The following EPS8L2 variants were observed in gnomAD, a reference collection of about 807,000 sequenced individuals.
EPS8L2 encodes the protein EPS8 signaling adaptor L2.
A neutral mutation model predicts 99.4 loss-of-function variants in EPS8L2; 81 were observed. That is an observed-to-expected ratio of 0.82 (90% confidence interval 0.68 to 0.98). EPS8L2 has a LOEUF of 0.98. Among genes scored for constraint, EPS8L2 ranks in the 50% least tolerant of loss-of-function variants. The pLI, the probability that EPS8L2 is intolerant of heterozygous loss-of-function variation, is 0.00. For missense variants in EPS8L2, 1,155 were observed against 968.8 expected, an observed-to-expected ratio of 1.19 and a Z score of -2.55; for synonymous variants, 509 against 407.3, an observed-to-expected ratio of 1.25 and a Z score of -3.01.
In EPS8L2 at chr11:720,710, G is replaced by T; in HGVS notation, c.441G>T (p.Lys147Asn). The T allele has an allele frequency of 6.3e-7, 1 of 1,594,288 alleles. No homozygotes were observed. The highest frequency in any genetic ancestry group is 1.3e-5 in the African/African-American group (1 of 74,902). The change falls in exon 6 of 21, where the codon AAG becomes AAT. Residue 147 changes from lysine (K) to asparagine (N), a missense_variant. By Grantham distance (94) the Lys-to-Asn change is moderately conservative. Transcript: ENST00000318562. ...TGTGCCAGGACTCGGAGCAGAGCAA[G>T]CCGGATGTCCACTTCTTCCACTGCG... Reference protein sequence around the residue: ...LLVCQDSEQSKPDVHFFHCDE... With the variant: ...LLVCQDSEQSNPDVHFFHCDE...
chr11:710,069 G>A (rs771778707), intron 3 of EPS8L2: 9 of 368,574 alleles, frequency 2.4e-5, no homozygotes, highest in Non-Finnish European at 4.0e-5. Context: ...AGGGCAGGGA[G>A]AGTGAAGCTG....
chr11:719,091 G>A (rs1354616031), intron 4 of EPS8L2, among the ~76,000 whole-genome samples: 5 of 150,152 alleles, frequency 3.3e-5, no homozygotes, highest in Non-Finnish European at 7.4e-5. Context: ...TCAGCCTCCC[G>A]AGTAGCTGGG....
intron 4 of EPS8L2, among the ~76,000 whole-genome samples, chr11:711,743 G>A (rs1861894851): frequency 6.6e-6 from 1 of 152,090 alleles, no homozygotes; most frequent in African/African-American, 2.4e-5. Context: ...CAGCACTTTG[G>A]GAGGCTGAGG....
chr11:723,827 G>C (rs944457562), intron 15 of EPS8L2, among the ~76,000 whole-genome samples: 1 of 145,274 alleles, frequency 6.9e-6, no homozygotes, highest in African/African-American at 2.5e-5. Context: ...GGGGAGTCCC[G>C]TCTTTCCTTG....
chr11:724,282 A>T lies in EPS8L2; in HGVS notation c.1455-442A>T, dbSNP rs1021754943. On this transcript the variant is annotated intron_variant, in intron 15 of 20. Transcript: ENST00000318562. This position sits in a 1 kb window ranked among gnomAD's most constrained non-coding sequence, Gnocchi z 5.5. The stretch of plus-strand genomic sequence containing the variant: ...CCCACCCCACAGAGAGGAGCTTGAG[A>T]CCCGTCCTCCACTGGACCATTTGGG... 2.6e-5 allele frequency among the ~76,000 whole-genome samples: 4 copies of T among 151,918 alleles called. No homozygotes were observed. The highest frequency in any genetic ancestry group is 6.6e-5 in the Admixed American group (1 of 15,260).
chr11:721,323 G>A lies in EPS8L2; in HGVS notation c.739G>A (p.Val247Met), dbSNP rs375649174. 1.4e-5 allele frequency: 22 copies of A among 1,539,822 alleles called. No homozygotes were observed. Among genetic ancestry groups the A allele is most frequent in the Non-Finnish European group, 1.7e-5 (20 of 1,146,674 alleles). The change falls in exon 9 of 21, where the codon GTG becomes ATG. Residue 247 changes from valine (V) to methionine (M), a missense_variant. Val to Met is a conservative substitution (Grantham distance 21). Coordinates refer to ENST00000318562, the MANE Select transcript of EPS8L2 (RefSeq NM_022772.4). Reference sequence around the variant, plus strand: ...GGAGTCGCAGGAGGAGCCGCGGGCCGTGCTGGCTCAGAAGATAGAGAAGGA... The same window carrying A: ...GGAGTCGCAGGAGGAGCCGCGGGCCATGCTGGCTCAGAAGATAGAGAAGGA... ...RRESQEEPRA[V>M]LAQKIEKETQ...
intron 4 of EPS8L2, among the ~76,000 whole-genome samples, chr11:713,007 C>A (rs1346200228): frequency 1.3e-5 from 2 of 151,888 alleles, no homozygotes; most frequent in African/African-American, 4.8e-5. Context: ...CTGGCCTGGC[C>A]CCCAGCCAGC....
At chr11:721,753 A>G (rs772789126) in intron 10 of EPS8L2, 62 bp downstream of exon 10, 6 of 1,554,128 alleles carry the variant, frequency 3.9e-6, no homozygotes, top group African/African-American at 2.7e-5. Flanking sequence ...TGCAGGGGAC[A>G]GGGACGGGGA....
At chr11:720,537 A>G in intron 5 of EPS8L2, 60 bp from the exon 6 acceptor site, 1 of 1,557,430 alleles carries the variant, frequency 6.4e-7, no homozygotes, top group Middle Eastern at 1.8e-4. Flanking sequence ...AGCTCCGGCC[A>G]CTCCCTGCCA....
rs1861709442 is a variant in EPS8L2, at chr11:706,299, CG to C, written c.-79+13del. The stretch of plus-strand genomic sequence containing the variant: ...GGGCGCCGGAGGCAGGTGAGCGCTG[CG>C]GACACGGGGGAGCGCGCCCGCCCGG... On this transcript the variant is annotated intron_variant, in intron 1 of 20. Coordinates refer to ENST00000318562, the MANE Select transcript of EPS8L2 (RefSeq NM_022772.4). 1 of 151,604 alleles carries C rather than the reference CG, an allele frequency of 6.6e-6. No individual in the cohort carries two copies. The highest frequency in any genetic ancestry group is 2.4e-5 in the African/African-American group (1 of 41,268). The allele number at this position is 151,604 out of a possible 1,614,324, so 9.4% of individuals were successfully genotyped here.
Position 720,861 on chromosome 11 carries a change from C to G in EPS8L2, c.509C>G (p.Ala170Gly). Residue 170 changes from alanine (A) to glycine (G), a missense_variant, in exon 7 of 21, where the codon GCG becomes GGG. Ala to Gly is a moderately conservative substitution (Grantham distance 60). Transcript: ENST00000318562. Reference protein sequence around the residue: ...AELVHEDIESALADCRLGKKM... With the variant: ...AELVHEDIESGLADCRLGKKM... ...CTGGTGCACGAGGACATCGAGAGCGCGTTGGCCGACTGCCGGCTGGGCAAG... is the reference window on the plus strand; with the variant it reads ...CTGGTGCACGAGGACATCGAGAGCGGGTTGGCCGACTGCCGGCTGGGCAAG... The G allele has an allele frequency of 6.7e-7, 1 of 1,495,948 alleles. No homozygotes were observed. The highest frequency in any genetic ancestry group is 8.9e-7 in the Non-Finnish European group (1 of 1,118,172). The allele number at this position is 1,495,948 out of a possible 1,614,324, so 92.7% of individuals were successfully genotyped here.
At chr11:712,464 GCGAGC>G in intron 4 of EPS8L2, among the ~76,000 whole-genome samples, 2 of 147,492 alleles carry the variant, frequency 1.4e-5, no homozygotes, top group South Asian at 2.2e-4. Context: ...AAGCCTGGGT[GCGAGC>G]TGGGCTCCCG....
At position 726,147 on chromosome 11, in the gene EPS8L2, C is replaced by T. The variant is rs779325145; in HGVS notation, c.1730C>T (p.Pro577Leu). 1 of 1,609,080 alleles carries T rather than the reference C, an allele frequency of 6.2e-7. No homozygotes were observed. The highest frequency in any genetic ancestry group is 1.1e-5 in the South Asian group (1 of 90,830). The change falls in exon 18 of 21, where the codon CCA (proline) becomes CTA (leucine). Residue 577 changes from proline (P) to leucine (L), a missense_variant. Pro to Leu is a moderately conservative substitution (Grantham distance 98, BLOSUM62 -3). Transcript: ENST00000318562. ...GPASPTHKLPPSFPGNKDELM... is the reference protein window; with the variant it reads ...GPASPTHKLPLSFPGNKDELM... ...GCCAGCCCGACCCACAAGCTACCCCCAAGCTTCCCGGGGAACAAAGACGGT... is the reference window on the plus strand; with the variant it reads ...GCCAGCCCGACCCACAAGCTACCCCTAAGCTTCCCGGGGAACAAAGACGGT...
In EPS8L2 at chr11:710,417, T is replaced by G; in HGVS notation, c.101-5T>G. ...CGGGGGAGTGACTGGTGTCTCCCGG[T>G]TCAGAGCAGAGGAAGAAGTATTCCA... is the stretch of plus-strand genomic sequence containing the variant. On this transcript the variant is annotated splice_region_variant and splice_polypyrimidine_tract_variant and intron_variant, in intron 3 of 20. Coordinates refer to ENST00000318562, the MANE Select transcript of EPS8L2 (RefSeq NM_022772.4). 1 of 1,613,096 alleles carries G rather than the reference T, an allele frequency of 6.2e-7. No individual in the cohort carries two copies. The highest frequency in any genetic ancestry group is 8.5e-7 in the Non-Finnish European group (1 of 1,179,782).
At chr11:711,292 CTTTTT>C (rs900399379) in intron 4 of EPS8L2, among the ~76,000 whole-genome samples, 1 of 149,758 alleles carries the variant, frequency 6.7e-6, no homozygotes, top group Admixed American at 6.7e-5. Flanking sequence ...GTGTGTGTGT[CTTTTT>C]TTCTTCCTTT....
chr11:724,939 G>T lies in EPS8L2; in HGVS notation c.1560+110G>T. 1.3e-6 allele frequency: 1 copy of T among 780,068 alleles called. No individual in the cohort carries two copies. The allele number at this position is 780,068 out of a possible 1,614,324, so 48.3% of individuals were successfully genotyped here. ...CTAGGGCCAGGCTGGGTGATGCCAG[G>T]ACGGGGCACAGCTGCTGGCCCCTTT... On this transcript the variant is annotated intron_variant, in intron 16 of 20. Transcript: ENST00000318562. This position sits in a 1 kb window ranked among gnomAD's most constrained non-coding sequence, Gnocchi z 5.5.
chr11:712,116 T>A (rs1016843443), intron 4 of EPS8L2, among the ~76,000 whole-genome samples: 1 of 152,010 alleles, frequency 6.6e-6, no homozygotes, highest in South Asian at 2.1e-4. Flanking sequence ...TGAAACCCCA[T>A]CTCTACTAAA....
chr11:724,832 G>T lies in EPS8L2; in HGVS notation c.1560+3G>T. Reference sequence around the variant, plus strand: ...TGCTCAAGGATGAGGTCCTAGAGGTGAGGGGCTGGAGGACGGGGTCCAAGA... The same window carrying T: ...TGCTCAAGGATGAGGTCCTAGAGGTTAGGGGCTGGAGGACGGGGTCCAAGA... On this transcript the variant is annotated splice_donor_region_variant and intron_variant, in intron 16 of 20. Transcript: ENST00000318562. This position sits in a 1 kb window ranked among gnomAD's most constrained non-coding sequence, Gnocchi z 5.5. 2 of 1,602,480 alleles carry T rather than the reference G, an allele frequency of 1.2e-6. No homozygotes were observed. Among genetic ancestry groups the T allele is most frequent in the Non-Finnish European group, 1.7e-6 (2 of 1,170,152 alleles).
intron 3 of EPS8L2, 172 bp from the exon 4 acceptor site, chr11:710,250 G>A: frequency 1.6e-6 from 1 of 629,750 alleles, no homozygotes; most frequent in South Asian, 1.8e-5. Flanking sequence ...GAGGGAGGGA[G>A]GGGGCTTCCT....
Sources: allele counts gnomAD v4.1 joint callset (sites outside exome capture counted in the v4.1 genomes callset), GRCh38; gene constraint gnomAD v4.1.1; non-coding constraint Gnocchi (gnomAD v3.1); transcripts MANE v1.5; gene names NCBI Gene and HGNC (gene_info 2026-07-23, HGNC 2026-07-21).